Variants in MAF observed in about 807,000 individuals in gnomAD.
MAF encodes the protein transcription factor Maf.
Under a neutral mutation model 22.0 loss-of-function variants are expected in MAF, and 10 were observed. The observed-to-expected ratio is 0.45, with a 90% CI of 0.28 to 0.77. The LOEUF (loss-of-function observed/expected upper bound fraction) is 0.77, where lower values mean the gene tolerates loss of function less well. MAF is among the 30% of genes least tolerant of loss of function. The pLI is 0.12. For synonymous variants in MAF, 337 were observed against 255.8 expected, an observed-to-expected ratio of 1.32 and a Z score of -3.03; for missense variants, 544 against 548.4, an observed-to-expected ratio of 0.99 and a Z score of 0.08.
the MAF span, among the ~76,000 whole-genome samples, chr16:79,510,766 C>T: frequency 6.6e-6 from 1 of 152,180 alleles, no homozygotes; most frequent in African/African-American, 2.4e-5. Flanking sequence ...CAAGAAGCTC[C>T]ACATTTTCAT....
At chr16:79,585,848 C>G (rs1597832423) in exon 2 of MAF, 3 of 600,998 alleles carry the variant, frequency 5.0e-6, no homozygotes, top group Admixed American at 6.8e-5. Flanking sequence ...AAAAAAAACT[C>G]AAGCACATGC....
At chr16:79,536,928 T>C in the MAF span, among the ~76,000 whole-genome samples, 5 of 152,158 alleles carry the variant, frequency 3.3e-5, no homozygotes, top group Admixed American at 3.3e-4. Context: ...AGGAACCAAT[T>C]ACCTCACAGA....
the MAF span, among the ~76,000 whole-genome samples, chr16:79,335,218 A>G: frequency 6.6e-6 from 1 of 151,766 alleles, no homozygotes; most frequent in South Asian, 2.1e-4. Flanking sequence ...AAGAACATAC[A>G]TAGAATGAAA....
At chr16:79,461,849 C>A in the MAF span, among the ~76,000 whole-genome samples, 8 of 152,178 alleles carry the variant, frequency 5.3e-5, no homozygotes, top group Non-Finnish European at 8.8e-5. Flanking sequence ...TCTTCATGAA[C>A]TGGGTGACCT....
At chr16:79,556,397 G>T in the MAF span, among the ~76,000 whole-genome samples, 1 of 152,108 alleles carries the variant, frequency 6.6e-6, no homozygotes, top group East Asian at 1.9e-4. Flanking sequence ...CCATGATCTG[G>T]TTTAGCATGT....
chr16:79,483,804 T>A, the MAF span, among the ~76,000 whole-genome samples: 3 of 152,078 alleles, frequency 2.0e-5, no homozygotes, highest in African/African-American at 7.2e-5. Context: ...TGAGAAAGAA[T>A]AAGGTCTCCA....
the MAF span, among the ~76,000 whole-genome samples, chr16:79,360,680 G>A: frequency 6.6e-6 from 1 of 152,168 alleles, no homozygotes; most frequent in East Asian, 1.9e-4. Flanking sequence ...AGAGGTCAGG[G>A]TAGGACAAGT....
At chr16:79,370,879 C>T in the MAF span, among the ~76,000 whole-genome samples, 418 of 152,220 alleles carry the variant, frequency 2.7e-3, 4 homozygotes, top group African/African-American at 9.3e-3. Flanking sequence ...GCATATTCAC[C>T]GAACCACACC....
At chr16:79,236,497 G>A in the MAF span, among the ~76,000 whole-genome samples, 1 of 152,056 alleles carries the variant, frequency 6.6e-6, no homozygotes, top group African/African-American at 2.4e-5. Context: ...GTGCTGTTTG[G>A]CTTTGTGTGT....
At chr16:79,550,348 G>GAGAGAC in the MAF span, among the ~76,000 whole-genome samples, 3 of 151,744 alleles carry the variant, frequency 2.0e-5, no homozygotes, top group Non-Finnish European at 4.4e-5. Context: ...GAGAGAGAGA[G>GAGAGAC]AGACAGACAG....
the MAF span, among the ~76,000 whole-genome samples, chr16:79,211,140 C>T: frequency 6.6e-6 from 1 of 151,972 alleles, no homozygotes; most frequent in South Asian, 2.1e-4. Flanking sequence ...CTGGCAGCAG[C>T]CCCACTTGGG....
At chr16:79,296,908 C>T in the MAF span, among the ~76,000 whole-genome samples, 1 of 152,190 alleles carries the variant, frequency 6.6e-6, no homozygotes, top group Non-Finnish European at 1.5e-5. Context: ...GGTGGGTGGA[C>T]TCTCCTCTGT....
At chr16:79,308,702 C>T in the MAF span, among the ~76,000 whole-genome samples, 7 of 152,168 alleles carry the variant, frequency 4.6e-5, no homozygotes, top group African/African-American at 1.7e-4. Flanking sequence ...TAATCCCCCA[C>T]ATAATGCTAT....
the MAF span, among the ~76,000 whole-genome samples, chr16:79,268,930 G>T: frequency 6.6e-6 from 1 of 152,196 alleles, no homozygotes; most frequent in Non-Finnish European, 1.5e-5. Context: ...CCTGATAAAT[G>T]GGAGTAATGA....
chr16:79,378,788 G>C, the MAF span, among the ~76,000 whole-genome samples: 1 of 151,922 alleles, frequency 6.6e-6, no homozygotes, highest in Non-Finnish European at 1.5e-5. Context: ...CTTCTTGTTG[G>C]GCATTTAGAT....
chr16:79,207,651 G>C, the MAF span, among the ~76,000 whole-genome samples: 1 of 152,184 alleles, frequency 6.6e-6, no homozygotes, highest in Non-Finnish European at 1.5e-5. Context: ...CTTTAAGACA[G>C]GAATCTCCTC....
At chr16:79,487,473 A>T in the MAF span, among the ~76,000 whole-genome samples, 2 of 152,194 alleles carry the variant, frequency 1.3e-5, no homozygotes, top group Admixed American at 1.3e-4. Flanking sequence ...AATCTCAATT[A>T]AAAAATTAAG....
the MAF span, among the ~76,000 whole-genome samples, chr16:79,519,825 T>C: frequency 1.3e-5 from 2 of 152,232 alleles, no homozygotes; most frequent in Non-Finnish European, 1.5e-5. Context: ...CTGTGATCTG[T>C]CACCATGTGG....
At chr16:79,447,446 C>T in the MAF span, among the ~76,000 whole-genome samples, 12 of 152,120 alleles carry the variant, frequency 7.9e-5, no homozygotes, top group Non-Finnish European at 1.3e-4. Flanking sequence ...GTTTTCATGC[C>T]TGCTAACAGA....
Sources: gnomAD v4.1 joint callset for allele counts (sites outside exome capture counted in the v4.1 genomes callset) on GRCh38, gnomAD v4.1.1 for gene constraint, MANE v1.5 for transcripts, NCBI Gene and HGNC (gene_info 2026-07-23, HGNC 2026-07-21) for gene names.